CHD9: variants seen among roughly 807,000 people sequenced by gnomAD.
CHD9 encodes chromodomain helicase DNA binding protein 9.
CHD9 carries 77 observed loss-of-function variants against 316.1 expected under a neutral mutation model. That is an observed-to-expected ratio of 0.24 (90% CI 0.20 to 0.29). The LOEUF is 0.29. Among genes scored for constraint, CHD9 ranks in the 10% least tolerant of loss-of-function variants. CHD9 has a pLI of 1.00. For missense variants in CHD9, 2,763 were observed against 3,438.1 expected, an observed-to-expected ratio of 0.80 and a Z score of 4.91; for synonymous variants, 1,129 against 1,158.3, an observed-to-expected ratio of 0.97 and a Z score of 0.51.
At position 53,201,556 on chromosome 16, in the gene CHD9, C is replaced by T. The variant is rs188849254; in HGVS notation, c.1453-7926C>T. On this transcript the variant is annotated intron_variant, in intron 2 of 38. Coordinates refer to ENST00000447540, the MANE Select transcript of CHD9 (RefSeq NM_001308319.2). ...TAGTCCTTGTTGCTTATCATTCTCC[C>T]ACAGGCATCTCCTTTGCTTGTCATG... Among the ~76,000 whole-genome samples the T allele has an allele frequency of 3.6e-3, 548 of 152,222 alleles. 4 individuals carry two copies. The highest frequency in any genetic ancestry group is 0.013 in the African/African-American group (521 of 41,524).
At chr16:53,218,700 G>A (rs1477892862) in intron 3 of CHD9, among the ~76,000 whole-genome samples, 3 of 152,076 alleles carry the variant, frequency 2.0e-5, no homozygotes, top group Admixed American at 6.6e-5. Flanking sequence ...GTGCATTCAC[G>A]TAATTCATTT....
chr16:53,228,953 T>A, intron 7 of CHD9, 30 bp from the exon 8 acceptor site: 2 of 1,005,680 alleles, frequency 2.0e-6, no homozygotes, highest in Non-Finnish European at 2.9e-6. Flanking sequence ...TCTGTGTCAT[T>A]CTAATATATT....
At chr16:53,204,146 G>T (rs1168187050) in intron 2 of CHD9, among the ~76,000 whole-genome samples, 1 of 144,582 alleles carries the variant, frequency 6.9e-6, no homozygotes, top group Non-Finnish European at 1.5e-5. Context: ...GTGTGTGTGT[G>T]TGTATAACCT....
intron 24 of CHD9, among the ~76,000 whole-genome samples, chr16:53,280,455 A>T (rs990676299): frequency 6.6e-6 from 1 of 152,152 alleles, no homozygotes; most frequent in African/African-American, 2.4e-5. Context: ...ATGTTCTCAT[A>T]AGTGGAAGCT....
chr16:53,226,579 T>C, intron 5 of CHD9, 67 bp downstream of exon 5: 2 of 1,517,976 alleles, frequency 1.3e-6, no homozygotes, highest in Non-Finnish European at 8.8e-7. Flanking sequence ...AATACTTGCA[T>C]TGTTTTTCCT....
intron 22 of CHD9, among the ~76,000 whole-genome samples, chr16:53,269,369 G>C (rs1276324737): frequency 1.3e-5 from 2 of 152,090 alleles, no homozygotes; most frequent in East Asian, 1.9e-4. Flanking sequence ...CTTGTGCAAG[G>C]TGTTGAAAAG....
intron 19 of CHD9, among the ~76,000 whole-genome samples, chr16:53,259,872 T>C (rs1054286557): frequency 6.6e-6 from 1 of 152,212 alleles, no homozygotes; most frequent in Non-Finnish European, 1.5e-5. Context: ...TTTACCAGAT[T>C]GGTTAAATCT....
At chr16:53,176,106 A>G (rs2043080539) in intron 2 of CHD9, among the ~76,000 whole-genome samples, 1 of 152,200 alleles carries the variant, frequency 6.6e-6, no homozygotes, top group Admixed American at 6.5e-5. Flanking sequence ...AGTTCTGGAG[A>G]TCAGAAGTCT....
At chr16:53,150,179 T>C (rs1022523645) in intron 1 of CHD9, among the ~76,000 whole-genome samples, 1 of 152,040 alleles carries the variant, frequency 6.6e-6, no homozygotes, top group African/African-American at 2.4e-5. Flanking sequence ...TCTTTTTTCC[T>C]TAATTCATCC....
In CHD9 at chr16:53,303,727, G is replaced by A. The variant is rs1049523821; in HGVS notation, c.5721G>A (p.Val1907=). The A allele has an allele frequency of 3.8e-6, 6 of 1,592,334 alleles. No individual in the cohort carries two copies. The Admixed American group carries it at 5.3e-5, about 14-fold the overall frequency. Reference sequence around the variant, plus strand: ...CCTTGTTTCAATATGTAGAATTGGTGGATCCAAATATTTTTATCCAGCCCA... The same window carrying A: ...CCTTGTTTCAATATGTAGAATTGGTAGATCCAAATATTTTTATCCAGCCCA... The part of the protein sequence containing the change: ...VCRLPSKEEL[V]DPNIFIQPIT... The change falls in exon 31 of 39, where the codon GTG becomes GTA. Residue 1907 remains valine, a synonymous_variant. Transcript: ENST00000447540.
chr16:53,255,744 A>G lies in CHD9; in HGVS notation c.4174A>G (p.Ile1392Val). The change falls in exon 19 of 39, where the codon ATT becomes GTT. Residue 1392 changes from isoleucine to valine, a missense_variant. Physicochemically the swap from Ile to Val is conservative, Grantham distance 29 (BLOSUM62 3). Transcript: ENST00000447540. ...ILLRRTKTITIESEGRGSTFA... is the reference protein window; with the variant it reads ...ILLRRTKTITVESEGRGSTFA... ...ACTACGTCGTACAAAAACTATTACA[A>G]TTGAATCAGAAGGACGTGGGTCAAC... is the stretch of plus-strand genomic sequence containing the variant. 1 of 1,613,848 alleles carries G rather than the reference A, an allele frequency of 6.2e-7. No individual in the cohort carries two copies. Among genetic ancestry groups the G allele is most frequent in the Non-Finnish European group, 8.5e-7 (1 of 1,179,800 alleles).
chr16:53,150,429 C>T (rs951243387), intron 1 of CHD9, among the ~76,000 whole-genome samples: 5 of 152,120 alleles, frequency 3.3e-5, no homozygotes, highest in East Asian at 1.9e-4. Flanking sequence ...AAGATTACAT[C>T]GGTCTACATT....
At chr16:53,315,170 G>A in intron 36 of CHD9, 126 bp downstream of exon 36, 1 of 665,434 alleles carries the variant, frequency 1.5e-6, no homozygotes, top group African/African-American at 1.8e-5. Flanking sequence ...AGGAGAATTA[G>A]CAGAAAAAAT....
intron 1 of CHD9, among the ~76,000 whole-genome samples, chr16:53,100,453 C>CTTTTTTTTTTTTTTTTTT (rs61450186): frequency 7.7e-6 from 1 of 129,638 alleles, no homozygotes. Context: ...ACTCATTCGT[C>CTTTTTTTTTTTTTTTTTT]TTTTTTTTTT....
Position 53,067,323 on chromosome 16 carries a change from T to A in CHD9, c.-165+12246T>A, listed in dbSNP as rs2033618873. Among the ~76,000 whole-genome samples, 3 of 152,348 alleles carry A rather than the reference T, an allele frequency of 2.0e-5. No homozygotes were observed. In the South Asian group the frequency reaches 6.2e-4, roughly 32 times the overall value. ...TTGATATTTGATATGGTACATTTGT[T>A]ACAACCTGATATTGATACATTATTA... is the stretch of plus-strand genomic sequence containing the variant. On this transcript the variant is annotated intron_variant, in intron 1 of 38. Coordinates refer to ENST00000447540, the MANE Select transcript of CHD9 (RefSeq NM_001308319.2).
At chr16:53,186,512 A>G (rs186792477) in intron 2 of CHD9, among the ~76,000 whole-genome samples, 30 of 152,236 alleles carry the variant, frequency 2.0e-4, no homozygotes, top group Middle Eastern at 6.8e-3. Context: ...TGGACTTTTG[A>G]TTTAATGCTG....
In CHD9 at chr16:53,268,061, G is replaced by T; in HGVS notation, c.4652G>T (p.Gly1551Val). ...TACCGAGGAGATGAGAAGATTAAAGGTTTCATATGGGATCTCATTACTCCA... is the reference window on the plus strand; with the variant it reads ...TACCGAGGAGATGAGAAGATTAAAGTTTTCATATGGGATCTCATTACTCCA... ...VHYRGDEKIK[G>V]FIWDLITPTE... Residue 1551 changes from glycine to valine, a missense_variant, in exon 22 of 39, where the codon GGT becomes GTT. Gly to Val is a moderately radical substitution (Grantham distance 109, BLOSUM62 -3). This residue lies in a region of CHD9 where 99 missense variants were observed against 131.6 expected (regional missense o/e 0.75). Transcript: ENST00000447540. The T allele has an allele frequency of 1.9e-6, 3 of 1,613,212 alleles. No individual in the cohort carries two copies. The highest frequency in any genetic ancestry group is 1.7e-6 in the Non-Finnish European group (2 of 1,179,564).
At chr16:53,216,125 T>A (rs1173019365) in intron 3 of CHD9, among the ~76,000 whole-genome samples, 2 of 152,218 alleles carry the variant, frequency 1.3e-5, no homozygotes. Context: ...GGGATATTTC[T>A]CCTTAGACTA....
Position 53,184,105 on chromosome 16 carries a change from C to T in CHD9, c.1453-25377C>T, listed in dbSNP as rs189814466. Among the ~76,000 whole-genome samples the T allele has an allele frequency of 4.6e-3, 702 of 152,064 alleles. 3 individuals carry two copies. The highest frequency in any genetic ancestry group is 7.8e-3 in the Non-Finnish European group (527 of 67,986). On this transcript the variant is annotated intron_variant, in intron 2 of 38. Coordinates refer to ENST00000447540, the MANE Select transcript of CHD9 (RefSeq NM_001308319.2). ...GACTAAAGGCGCCCGGCACCACGCC[C>T]GGCTAATTTTTTGTGTTTTTAGTAG... is the stretch of plus-strand genomic sequence containing the variant.
Sources: gnomAD v4.1 joint callset for allele counts (sites outside exome capture counted in the v4.1 genomes callset) on GRCh38, gnomAD v4.1.1 for gene constraint, gnomAD v4.1.1 regional missense constraint, MANE v1.5 for transcripts, NCBI Gene and HGNC (gene_info 2026-07-23, HGNC 2026-07-21) for gene names.